PIK3R5: variants seen among roughly 807,000 people sequenced by gnomAD.
The protein encoded by PIK3R5 is phosphoinositide 3-kinase regulatory subunit 5.
A neutral mutation model predicts 94.9 loss-of-function variants in PIK3R5; 32 were observed. The ratio of observed to expected loss-of-function variants is 0.34; its 90% CI spans 0.25 to 0.45. The LOEUF is 0.45. Ranked by LOEUF, PIK3R5 falls within the 20% of genes least tolerant of loss-of-function variation. The probability of loss-of-function intolerance (pLI) is 1.00; values close to 1 mark genes in which losing one functional copy is unlikely to be tolerated. For missense variants in PIK3R5, 853 were observed against 1,144.6 expected, an observed-to-expected ratio of 0.75 and a Z score of 3.68; for synonymous variants, 443 against 479.4, an observed-to-expected ratio of 0.92 and a Z score of 0.99.
At chr17:8,961,780 C>T (rs571779314) in intron 1 of PIK3R5, among the ~76,000 whole-genome samples, 11 of 152,266 alleles carry the variant, frequency 7.2e-5, no homozygotes, top group African/African-American at 2.4e-4. Flanking sequence ...GTCTAGCAAG[C>T]CACTTGATAG....
chr17:8,908,161 TG>T (rs1165949142), intron 3 of PIK3R5, among the ~76,000 whole-genome samples: 1 of 152,156 alleles, frequency 6.6e-6, no homozygotes, highest in Non-Finnish European at 1.5e-5. Context: ...TTGGAACTCA[TG>T]GGGGTTGGAG....
chr17:8,884,734 A>G lies in PIK3R5; in HGVS notation c.2178T>C (p.Pro726=), dbSNP rs2089771048. ...LGIDGDREAV[P]LTLQIIYSKG... ...TGCTGTAAATAATCTGTAGTGTTAG[A>G]GGAACAGCCTCCCGGTCGCCATCGA... The change falls in exon 15 of 19, where the codon CCT becomes CCC. Residue 726 remains proline, a synonymous_variant. Coordinates refer to ENST00000447110, the MANE Select transcript of PIK3R5 (RefSeq NM_001142633.3). The surrounding 1 kb of genome is among the most constrained non-coding windows in gnomAD (Gnocchi z 5.8). 1.2e-6 allele frequency: 2 copies of G among 1,613,316 alleles called. No homozygotes were observed. Among genetic ancestry groups the G allele is most frequent in the Non-Finnish European group, 1.7e-6 (2 of 1,179,538 alleles).
intron 1 of PIK3R5, among the ~76,000 whole-genome samples, chr17:8,948,182 G>A (rs1057258043): frequency 2.6e-5 from 4 of 151,852 alleles, no homozygotes; most frequent in East Asian, 1.9e-4. Context: ...AGTGGCCGAC[G>A]CATGAGAGAA....
chr17:8,964,985 G>A (rs1294589922), intron 1 of PIK3R5, among the ~76,000 whole-genome samples: 1 of 143,020 alleles, frequency 7.0e-6, no homozygotes, highest in Non-Finnish European at 1.5e-5. Flanking sequence ...GGGCCAGCAC[G>A]CGCACATGCG....
intron 1 of PIK3R5, among the ~76,000 whole-genome samples, chr17:8,930,897 TG>T (rs1305331603): frequency 6.6e-6 from 1 of 152,188 alleles, no homozygotes; most frequent in African/African-American, 2.4e-5. Context: ...GAAGTGGGTG[TG>T]GCTAAAAAAG....
Position 8,881,061 on chromosome 17 carries a change from A to G in PIK3R5, c.2383-44T>C, listed in dbSNP as rs2089644860. ...TCAGCCCCAAATCCCTGGCCATCCA[A>G]CACTGCCAGCCCCTGGCAGTTCCTT... On this transcript the variant is annotated intron_variant, in intron 17 of 18. Coordinates refer to ENST00000447110, the MANE Select transcript of PIK3R5 (RefSeq NM_001142633.3). The surrounding 1 kb of genome is among the most constrained non-coding windows in gnomAD (Gnocchi z 4.8). 2 of 1,400,364 alleles carry G rather than the reference A, an allele frequency of 1.4e-6. No individual in the cohort carries two copies. The highest frequency in any genetic ancestry group is 2.0e-6 in the Non-Finnish European group (2 of 984,866). 86.7% of individuals were successfully genotyped at this position (1,400,364 alleles called of 1,614,324 possible).
At chr17:8,906,756 A>C (rs989606091) in intron 3 of PIK3R5, among the ~76,000 whole-genome samples, 2 of 152,054 alleles carry the variant, frequency 1.3e-5, no homozygotes, top group African/African-American at 4.8e-5. Flanking sequence ...AGTGGCGCAC[A>C]CCTGTAATCC....
intron 1 of PIK3R5, among the ~76,000 whole-genome samples, chr17:8,913,607 G>A (rs2090572794): frequency 6.6e-6 from 1 of 152,212 alleles, no homozygotes; most frequent in Admixed American, 6.5e-5. Flanking sequence ...AGTTACCCGG[G>A]AGGCTGAGGC....
rs150934167 is a variant in PIK3R5 at position 8,945,863 on chromosome 17, C to T, written c.-14+19733G>A. ...TCACTAAAGACCATGCAGCTACTGT[C>T]TTGTTTGCCAGAAGGTTTGAACTTG... On this transcript the variant is annotated intron_variant, in intron 1 of 18. Coordinates refer to ENST00000447110, the MANE Select transcript of PIK3R5 (RefSeq NM_001142633.3). The surrounding 1 kb of genome is among the most constrained non-coding windows in gnomAD (Gnocchi z 4.0). 3.7e-3 allele frequency among the ~76,000 whole-genome samples: 556 copies of T among 152,292 alleles called. 1 individual carries two copies. The highest frequency in any genetic ancestry group is 0.013 in the African/African-American group (535 of 41,552).
chr17:8,894,134 T>G (rs1045512047), intron 5 of PIK3R5, among the ~76,000 whole-genome samples: 4 of 152,180 alleles, frequency 2.6e-5, no homozygotes, highest in Non-Finnish European at 4.4e-5. Context: ...AGGGCCAGAT[T>G]AGATCCGTGG....
chr17:8,880,958 G>T lies in PIK3R5; in HGVS notation c.2442C>A (p.Pro814=). 6.2e-7 allele frequency: 1 copy of T among 1,614,120 alleles called. No homozygotes were observed. The highest frequency in any genetic ancestry group is 8.5e-7 in the Non-Finnish European group (1 of 1,179,994). The part of the protein sequence containing the change: ...KVQIIGSNSC[P]FAVCLDQDER... ...CATCCTGGTCCAGGCACACAGCAAA[G>T]GGGCAGCTGTTGGAGCCGATGATCT... Residue 814 remains proline (P), a synonymous_variant, in exon 18 of 19, where the codon CCC becomes CCA. Coordinates refer to ENST00000447110, the MANE Select transcript of PIK3R5 (RefSeq NM_001142633.3).
chr17:8,954,183 C>T (rs2091428239), intron 1 of PIK3R5, among the ~76,000 whole-genome samples: 1 of 152,224 alleles, frequency 6.6e-6, no homozygotes, highest in Admixed American at 6.5e-5. Context: ...GAGATTTCCA[C>T]ATTAGACTCA....
At chr17:8,894,006 A>C (rs1010829741) in intron 5 of PIK3R5, 5 of 190,754 alleles carry the variant, frequency 2.6e-5, no homozygotes, top group African/African-American at 1.2e-4. Context: ...GAGGCAGCCT[A>C]GCTGGAGAGA....
chr17:8,918,984 A>G (rs2090680067), intron 1 of PIK3R5, among the ~76,000 whole-genome samples: 1 of 152,224 alleles, frequency 6.6e-6, no homozygotes, highest in African/African-American at 2.4e-5. Flanking sequence ...GACATTCTAT[A>G]TGGTGATTAC....
chr17:8,885,579 A>ACCCCGCCTCCCCATGG (rs1230228341), intron 14 of PIK3R5, among the ~76,000 whole-genome samples: 1 of 108,446 alleles, frequency 9.2e-6, no homozygotes, highest in African/African-American at 3.8e-5. Flanking sequence ...CTACCGGACA[A>ACCCCGCCTCCCCATGG]CCCCGCCTCC....
intron 5 of PIK3R5, among the ~76,000 whole-genome samples, chr17:8,894,345 A>G (rs2090099466): frequency 6.6e-6 from 1 of 152,070 alleles, no homozygotes; most frequent in Non-Finnish European, 1.5e-5. Context: ...CCTTCCCGCT[A>G]TGCCAGGCAC....
chr17:8,952,450 G>T (rs1438008098), intron 1 of PIK3R5, among the ~76,000 whole-genome samples: 1 of 152,118 alleles, frequency 6.6e-6, no homozygotes, highest in East Asian at 1.9e-4. Flanking sequence ...CTCATAAAAG[G>T]TGAAGTCATC....
At position 8,893,692 on chromosome 17, in the gene PIK3R5, A is replaced by C. The variant is rs115504452; in HGVS notation, c.413-37T>G. The stretch of plus-strand genomic sequence containing the variant: ...GAAGAAAAGAGTTCATGGGCTGATC[A>C]GTTCCTTCAGCATCGTCCGTGTGCC... On this transcript the variant is annotated intron_variant, in intron 5 of 18. Coordinates refer to ENST00000447110, the MANE Select transcript of PIK3R5 (RefSeq NM_001142633.3). The surrounding 1 kb of genome is among the most constrained non-coding windows in gnomAD (Gnocchi z 5.1). 5 of 1,497,926 alleles carry C rather than the reference A, an allele frequency of 3.3e-6. No homozygotes were observed. The highest frequency in any genetic ancestry group is 1.4e-5 in the African/African-American group (1 of 72,748). 92.8% of individuals were successfully genotyped at this position (1,497,926 alleles called of 1,614,324 possible).
rs1400821078 is a variant in PIK3R5, at chr17:8,886,491, C to T, written c.2020G>A (p.Val674Ile). The T allele has an allele frequency of 1.2e-6, 2 of 1,606,554 alleles. No homozygotes were observed. The highest frequency in any genetic ancestry group is 1.7e-6 in the Non-Finnish European group (2 of 1,176,052). ...RFAARPVLLQVYQTELTFITG... is the reference protein window; with the variant it reads ...RFAARPVLLQIYQTELTFITG... ...GGAGGCCTTACCTCGGTCTGATAGA[C>T]TTGCAGCAGCACCGGTCTGGCGGCA... is the stretch of plus-strand genomic sequence containing the variant. The change falls in exon 13 of 19, where the codon GTC (valine) becomes ATC (isoleucine). Residue 674 changes from valine to isoleucine, a missense_variant. By Grantham distance (29) the Val-to-Ile change is conservative. This residue lies in a region of PIK3R5 where 173 missense variants were observed against 274.1 expected (regional missense o/e 0.63). Transcript: ENST00000447110.
Sources: allele counts gnomAD v4.1 joint callset (sites outside exome capture counted in the v4.1 genomes callset), GRCh38; gene constraint gnomAD v4.1.1; regional missense constraint gnomAD v4.1.1; non-coding constraint Gnocchi (gnomAD v3.1); transcripts MANE v1.5; gene names NCBI Gene and HGNC (gene_info 2026-07-23, HGNC 2026-07-21).